GABRA1: variants seen among roughly 807,000 people sequenced by gnomAD.
GABRA1 encodes the protein gamma-aminobutyric acid receptor subunit alpha-1.
GABRA1 carries 9 observed loss-of-function variants against 48.9 expected under a neutral mutation model. The observed-to-expected ratio is 0.18, with a 90% CI of 0.11 to 0.32. GABRA1 has a LOEUF of 0.32. Ranked by LOEUF, GABRA1 falls within the 10% of genes least tolerant of loss-of-function variation. GABRA1 has a pLI of 1.00. For synonymous variants in GABRA1, 210 were observed against 198.7 expected (o/e 1.06, Z -0.48); for missense variants, 285 against 553.8 (o/e 0.51, Z 4.87).
upstream of GABRA1, chr5:161,847,708 A>G (rs1287404209): frequency 6.6e-6 from 1 of 152,176 alleles, no homozygotes; most frequent in Non-Finnish European, 1.5e-5. Flanking sequence ...TGCTCTCCCC[A>G]CACGTGTAAC....
intron 3 of GABRA1, 41 bp downstream of exon 3, chr5:161,854,311 G>A: frequency 9.7e-7 from 1 of 1,030,956 alleles, no homozygotes; most frequent in Non-Finnish European, 1.5e-6. Flanking sequence ...AGAATAATAT[G>A]AGATCTTTAC....
At chr5:161,865,400 A>T (rs2113352973) in intron 3 of GABRA1, among the ~76,000 whole-genome samples, 1 of 152,106 alleles carries the variant, frequency 6.6e-6, no homozygotes, top group East Asian at 1.9e-4. Context: ...CCAACATGTT[A>T]ATGTATTTTC....
At chr5:161,885,071 C>G (rs954086838) in intron 7 of GABRA1, among the ~76,000 whole-genome samples, 1 of 152,152 alleles carries the variant, frequency 6.6e-6, no homozygotes, top group Admixed American at 6.5e-5. Context: ...GCTAGAGCAG[C>G]AAGTTCACCT....
chr5:161,874,894 A>G (rs1464715693), intron 5 of GABRA1, among the ~76,000 whole-genome samples: 3 of 152,168 alleles, frequency 2.0e-5, no homozygotes, highest in East Asian at 1.9e-4. Context: ...AAAAAAAACA[A>G]AACAAAACAA....
At chr5:161,883,313 A>T (rs894318257) in intron 7 of GABRA1, among the ~76,000 whole-genome samples, 2 of 152,172 alleles carry the variant, frequency 1.3e-5, no homozygotes, top group Admixed American at 6.5e-5. Context: ...TCCATGTGGG[A>T]ATTAAAAGTA....
rs1755420544 is a variant in GABRA1, at chr5:161,897,409, C to T, written c.1358C>T (p.Thr453Ile). Residue 453 changes from threonine to isoleucine, a missense_variant, in exon 10 of 10, where the codon ACA becomes ATA. Physicochemically the swap from Thr to Ile is moderately conservative, Grantham distance 89 (BLOSUM62 -1). Transcript: ENST00000393943. ...LNREPQLKAPTPHQ is the reference protein window; with the variant it reads ...LNREPQLKAPIPHQ Reference sequence around the variant, plus strand: ...AGAGAGCCTCAGCTAAAAGCCCCCACACCACATCAATAGATCTTTTACTCA... The same window carrying T: ...AGAGAGCCTCAGCTAAAAGCCCCCATACCACATCAATAGATCTTTTACTCA... 2 of 1,613,618 alleles carry T rather than the reference C, an allele frequency of 1.2e-6. No individual in the cohort carries two copies. The highest frequency in any genetic ancestry group is 1.7e-5 in the Admixed American group (1 of 59,986).
At chr5:161,873,900 C>T (rs185116627) in intron 5 of GABRA1, among the ~76,000 whole-genome samples, 1 of 152,206 alleles carries the variant, frequency 6.6e-6, no homozygotes, top group African/African-American at 2.4e-5. Flanking sequence ...TTTAAGATTG[C>T]TGTAAAGCTT....
chr5:161,851,464 A>C (rs1214959954), intron 2 of GABRA1, among the ~76,000 whole-genome samples: 6 of 152,242 alleles, frequency 3.9e-5, no homozygotes, highest in Non-Finnish European at 7.4e-5. Flanking sequence ...ACAATTACTA[A>C]TTGTTTATAA....
At chr5:161,869,064 T>G in intron 4 of GABRA1, among the ~76,000 whole-genome samples, 1 of 152,170 alleles carries the variant, frequency 6.6e-6, no homozygotes, top group East Asian at 1.9e-4. Flanking sequence ...CACCTTGCTT[T>G]AGAAGATTAA....
intron 2 of GABRA1, 54 bp downstream of exon 2, chr5:161,850,938 T>C: frequency 6.9e-7 from 1 of 1,455,548 alleles, no homozygotes; most frequent in Non-Finnish European, 9.7e-7. Flanking sequence ...TTTTCATTTA[T>C]TTTATCGGGG....
At chr5:161,851,076 A>G (rs943044393) in intron 2 of GABRA1, among the ~76,000 whole-genome samples, 192 bp downstream of exon 2, 3 of 152,214 alleles carry the variant, frequency 2.0e-5, no homozygotes, top group East Asian at 3.9e-4. Flanking sequence ...TAGTTAGAAT[A>G]CAATTAACAA....
intron 3 of GABRA1, among the ~76,000 whole-genome samples, chr5:161,855,755 CT>C (rs1757621960): frequency 6.6e-6 from 1 of 151,254 alleles, no homozygotes; most frequent in African/African-American, 2.4e-5. Context: ...CATAGCAAGA[CT>C]TTTGAAAATA....
intron 3 of GABRA1, among the ~76,000 whole-genome samples, chr5:161,859,845 A>G (rs1757784685): frequency 6.6e-6 from 1 of 151,874 alleles, no homozygotes; most frequent in Admixed American, 6.6e-5. Flanking sequence ...ATAAAATTAA[A>G]AGATGGTTAG....
chr5:161,878,061 G>A (rs892971209), intron 6 of GABRA1, among the ~76,000 whole-genome samples: 2 of 152,122 alleles, frequency 1.3e-5, no homozygotes, highest in African/African-American at 4.8e-5. Flanking sequence ...AGACTGTAAC[G>A]TCACGAGAGA....
At chr5:161,855,824 T>C (rs1757624342) in intron 3 of GABRA1, among the ~76,000 whole-genome samples, 1 of 151,382 alleles carries the variant, frequency 6.6e-6, no homozygotes. Context: ...ATGATCTCAT[T>C]CCCTAAAAAG....
chr5:161,895,971 A>G (rs1042924566), intron 9 of GABRA1, 103 bp downstream of exon 9: 40 of 967,228 alleles, frequency 4.1e-5, no homozygotes, highest in Non-Finnish European at 6.1e-5. Context: ...ATGCAGAATA[A>G]TAAGGATTCT....
intron 8 of GABRA1, among the ~76,000 whole-genome samples, chr5:161,893,094 A>G (rs1163673432): frequency 6.6e-6 from 1 of 151,046 alleles, no homozygotes; most frequent in African/African-American, 2.4e-5. Context: ...TTTTTGTAGT[A>G]TGAGTACAAC....
intron 9 of GABRA1, 41 bp downstream of exon 9, chr5:161,895,909 T>A (rs984811361): frequency 6.6e-7 from 1 of 1,520,898 alleles, no homozygotes; most frequent in African/African-American, 1.4e-5. Flanking sequence ...CAATATTATG[T>A]CTCTTTAAAC....
At chr5:161,870,161 C>A (rs191202136) in intron 4 of GABRA1, among the ~76,000 whole-genome samples, 2 of 152,114 alleles carry the variant, frequency 1.3e-5, no homozygotes, top group East Asian at 3.9e-4. Flanking sequence ...ACTTAGCAAG[C>A]GTAAAATAAT....
Sources: gnomAD v4.1 joint callset for allele counts (sites outside exome capture counted in the v4.1 genomes callset) on GRCh38, gnomAD v4.1.1 for gene constraint, MANE v1.5 for transcripts, NCBI Gene and HGNC (gene_info 2026-07-23, HGNC 2026-07-21) for gene names.